Variants in TMEM163 observed in about 807,000 individuals in gnomAD.
TMEM163 encodes the protein transmembrane protein 163.
In TMEM163, 17 loss-of-function variants were observed where a neutral mutation model predicts 29.3. The ratio of observed to expected loss-of-function variants is 0.58; its 90% CI spans 0.40 to 0.87. The LOEUF (loss-of-function observed/expected upper bound fraction) is 0.87, where lower values mean the gene tolerates loss of function less well. TMEM163 is among the 40% of genes least tolerant of loss of function. The pLI, the probability that TMEM163 is intolerant of heterozygous loss-of-function variation, is 0.00. For missense variants in TMEM163, 303 were observed against 381.5 expected, an observed-to-expected ratio of 0.79 and a Z score of 1.71; for synonymous variants, 157 against 160.6, an observed-to-expected ratio of 0.98 and a Z score of 0.17.
intron 5 of TMEM163, among the ~76,000 whole-genome samples, chr2:134,481,312 T>C (rs1467152373): frequency 6.7e-6 from 1 of 149,210 alleles, no homozygotes; most frequent in African/African-American, 2.5e-5. Flanking sequence ...ACATCTCATC[T>C]TGAACTGTAA....
At chr2:134,679,682 G>C (rs562672966) in intron 2 of TMEM163, among the ~76,000 whole-genome samples, 2 of 152,218 alleles carry the variant, frequency 1.3e-5, no homozygotes, top group African/African-American at 2.4e-5. Flanking sequence ...CTTAAGATAG[G>C]GATAACTAAA....
chr2:134,460,510 C>T lies in TMEM163; in HGVS notation c.668-2337G>A, dbSNP rs1015803889. Among the ~76,000 whole-genome samples, 3 of 152,198 alleles carry T rather than the reference C, an allele frequency of 2.0e-5. No individual in the cohort carries two copies. The highest frequency in any genetic ancestry group is 7.2e-5 in the African/African-American group (3 of 41,450). ...CAGTATTCGAAGTCCCAGGACAGGG[C>T]CTGGCATTCATCAGGGGTGCAAATG... is the stretch of plus-strand genomic sequence containing the variant. On this transcript the variant is annotated intron_variant, in intron 6 of 7. Coordinates refer to ENST00000281924, the MANE Select transcript of TMEM163 (RefSeq NM_030923.5). The surrounding 1 kb of genome is among the most constrained non-coding windows in gnomAD (Gnocchi z 4.3).
chr2:134,700,931 T>TAAAC (rs1574349840), intron 2 of TMEM163, among the ~76,000 whole-genome samples: 1 of 141,888 alleles, frequency 7.0e-6, no homozygotes, highest in Non-Finnish European at 1.5e-5. Flanking sequence ...AATAAATAAA[T>TAAAC]AAATAAATAA....
At chr2:134,557,144 A>C (rs1681065017) in intron 2 of TMEM163, among the ~76,000 whole-genome samples, 2 of 152,222 alleles carry the variant, frequency 1.3e-5, no homozygotes, top group South Asian at 4.1e-4. Flanking sequence ...GGCATGTCTG[A>C]GGCCATTCTG....
At chr2:134,689,986 A>G (rs1433909105) in intron 2 of TMEM163, among the ~76,000 whole-genome samples, 2 of 152,132 alleles carry the variant, frequency 1.3e-5, no homozygotes, top group Non-Finnish European at 2.9e-5. Flanking sequence ...GCTGGAATGC[A>G]GTGGTGTGAT....
At chr2:134,645,392 A>G (rs529942022) in intron 2 of TMEM163, among the ~76,000 whole-genome samples, 14 of 152,330 alleles carry the variant, frequency 9.2e-5, no homozygotes, top group African/African-American at 3.4e-4. Flanking sequence ...GGAGTGGAAT[A>G]GCTGCAACAG....
intron 4 of TMEM163, among the ~76,000 whole-genome samples, chr2:134,527,973 C>G (rs999313990): frequency 1.2e-4 from 19 of 152,118 alleles, no homozygotes; most frequent in African/African-American, 4.6e-4. Flanking sequence ...TTACATGAGA[C>G]AAAAGACAGA....
chr2:134,646,701 TC>T (rs1261889362), intron 2 of TMEM163, among the ~76,000 whole-genome samples: 2 of 152,096 alleles, frequency 1.3e-5, no homozygotes, highest in Admixed American at 6.5e-5. Context: ...TGCCTCAGCC[TC>T]CCAAAGTGCT....
chr2:134,508,914 T>C (rs1326548646), intron 4 of TMEM163, among the ~76,000 whole-genome samples: 2 of 152,168 alleles, frequency 1.3e-5, no homozygotes, highest in African/African-American at 4.8e-5. Context: ...ACCCTCTCCA[T>C]GGTAAGAGCC....
intron 5 of TMEM163, among the ~76,000 whole-genome samples, chr2:134,491,175 CACTCAGCCCTGAT>C (rs1239743721): frequency 6.6e-6 from 1 of 152,180 alleles, no homozygotes; most frequent in Non-Finnish European, 1.5e-5. Flanking sequence ...AAGAGCGAAG[CACTCAGCCCTGAT>C]ACTCCCATAC....
intron 2 of TMEM163, among the ~76,000 whole-genome samples, chr2:134,571,714 G>A (rs930898306): frequency 2.6e-5 from 4 of 152,214 alleles, no homozygotes; most frequent in African/African-American, 4.8e-5. Context: ...GCTTCCCAGA[G>A]TCCTCTCCCA....
intron 4 of TMEM163, among the ~76,000 whole-genome samples, chr2:134,512,422 G>T (rs1679970491): frequency 6.6e-6 from 1 of 152,170 alleles, no homozygotes; most frequent in South Asian, 2.1e-4. Context: ...CTGCACCCCT[G>T]CACTCTAGCC....
intron 2 of TMEM163, among the ~76,000 whole-genome samples, chr2:134,597,791 A>G (rs549967133): frequency 6.6e-6 from 1 of 152,188 alleles, no homozygotes; most frequent in South Asian, 2.1e-4. Flanking sequence ...TCAATTTCAG[A>G]GCCTGTTATT....
At chr2:134,595,613 C>T (rs13410301) in intron 2 of TMEM163, among the ~76,000 whole-genome samples, 72,600 of 151,940 alleles carry the variant, frequency 0.48, 18,323 homozygotes, top group Non-Finnish European at 0.56. Context: ...TGATTTATAA[C>T]GCTTTAGGTA....
chr2:134,529,149 G>A (rs1289273557), intron 4 of TMEM163, among the ~76,000 whole-genome samples: 2 of 152,074 alleles, frequency 1.3e-5, no homozygotes, highest in Admixed American at 6.6e-5. Context: ...TGGCCAACAT[G>A]GTGAAACCCC....
rs369584583 is a variant in TMEM163 at position 134,648,304 on chromosome 2, C to CCTCTCCTCTTCTCTTCTCTTCTCTT, written c.322+64895_322+64896insAAGAGAAGAGAAGAGAAGAGGAGAG. Among the ~76,000 whole-genome samples, 477 of 143,188 alleles carry CCTCTCCTCTTCTCTTCTCTTCTCTT rather than the reference C, an allele frequency of 3.3e-3. 6 individuals are homozygous for CCTCTCCTCTTCTCTTCTCTTCTCTT. Among genetic ancestry groups the CCTCTCCTCTTCTCTTCTCTTCTCTT allele is most frequent in the African/African-American group, 0.012 (445 of 36,918 alleles). 93.9% of individuals were successfully genotyped at this position (143,188 alleles called of 152,430 possible). ...TAGTCTCTGGCATCTCACTGCTTCT[C>CCTCTCCTCTTCTCTTCTCTTCTCTT]CTCTTCTCTTCTCTTCTCTTCTCTT... On this transcript the variant is annotated intron_variant, in intron 2 of 7. Coordinates refer to ENST00000281924, the MANE Select transcript of TMEM163 (RefSeq NM_030923.5).
chr2:134,638,708 T>C (rs532690682), intron 2 of TMEM163, among the ~76,000 whole-genome samples: 1 of 152,050 alleles, frequency 6.6e-6, no homozygotes, highest in Admixed American at 6.5e-5. Flanking sequence ...AGCAAGTGGG[T>C]AGGACAGTGA....
Position 134,652,039 on chromosome 2 carries a change from G to A in TMEM163, c.322+61161C>T, listed in dbSNP as rs1683491968. ...ACTTGGTGATGCGGGCTCTTTTTTG[G>A]TTCCATATGAACTTTAGAGTAGTTT... On this transcript the variant is annotated intron_variant, in intron 2 of 7. Transcript: ENST00000281924. 1.4e-5 allele frequency among the ~76,000 whole-genome samples: 2 copies of A among 138,816 alleles called. 1 individual carries two copies. Among genetic ancestry groups the A allele is most frequent in the African/African-American group, 6.1e-5 (2 of 32,680 alleles). 91.1% of individuals were successfully genotyped at this position (138,816 alleles called of 152,430 possible). A position where few individuals can be genotyped will look rare whatever the true frequency, so the allele number is the denominator to read the frequency against.
At chr2:134,516,159 G>A (rs1449155473) in intron 4 of TMEM163, among the ~76,000 whole-genome samples, 1 of 152,052 alleles carries the variant, frequency 6.6e-6, no homozygotes, top group African/African-American at 2.4e-5. Flanking sequence ...AGGAAAATGG[G>A]AATGATAAAA....
Sources: gnomAD v4.1 joint callset for allele counts (sites outside exome capture counted in the v4.1 genomes callset) on GRCh38, gnomAD v4.1.1 for gene constraint, Gnocchi (gnomAD v3.1) non-coding constraint, MANE v1.5 for transcripts, NCBI Gene and HGNC (gene_info 2026-07-23, HGNC 2026-07-21) for gene names.